Variants in SLC16A10 observed in about 807,000 individuals in gnomAD.
SLC16A10 encodes monocarboxylate transporter 10.
In SLC16A10, 27 loss-of-function variants were observed where a neutral mutation model predicts 40.0. The ratio of observed to expected loss-of-function variants is 0.67; its 90% confidence interval spans 0.50 to 0.93. The LOEUF (loss-of-function observed/expected upper bound fraction) is 0.93. Among genes scored for constraint, SLC16A10 ranks in the 40% least tolerant of loss-of-function variants. SLC16A10 has a pLI of 0.00. For missense variants in SLC16A10, 529 were observed against 658.2 expected, an observed-to-expected ratio of 0.80 and a Z score of 2.15; for synonymous variants, 213 against 249.8, an observed-to-expected ratio of 0.85 and a Z score of 1.39.
Position 111,116,303 on chromosome 6 carries a change from C to T in SLC16A10, c.343+28208C>T, listed in dbSNP as rs1448732532. 3.9e-5 allele frequency among the ~76,000 whole-genome samples: 6 copies of T among 152,054 alleles called. No individual in the cohort carries two copies. In the East Asian group the frequency reaches 5.8e-4, roughly 15 times the overall value. On this transcript the variant is annotated intron_variant, in intron 1 of 5. Coordinates refer to ENST00000368851, the MANE Select transcript of SLC16A10 (RefSeq NM_018593.5). The stretch of plus-strand genomic sequence containing the variant: ...CGCAATCTCGGCTCACTGAAACCTC[C>T]GCCACCTGGGTTCAAGCAATTCTCA...
intron 1 of SLC16A10, among the ~76,000 whole-genome samples, chr6:111,149,276 G>A (rs189563525): frequency 3.3e-5 from 5 of 152,252 alleles, no homozygotes; most frequent in East Asian, 3.9e-4. Flanking sequence ...TAAGGAACCC[G>A]CTTCTTTCTT....
At chr6:111,221,896 A>G in intron 5 of SLC16A10, 107 bp from the exon 6 acceptor site, 1 of 1,068,052 alleles carries the variant, frequency 9.4e-7, no homozygotes, top group Non-Finnish European at 1.3e-6. Context: ...TCCTAAAAAA[A>G]AAAAAAAGTC....
At chr6:111,130,513 A>G (rs1291663287) in intron 1 of SLC16A10, among the ~76,000 whole-genome samples, 2 of 151,906 alleles carry the variant, frequency 1.3e-5, no homozygotes, top group Non-Finnish European at 2.9e-5. Context: ...GCACTGTTGT[A>G]CTCTCAGCAC....
intron 3 of SLC16A10, among the ~76,000 whole-genome samples, chr6:111,205,100 A>T (rs1243841689): frequency 2.0e-5 from 3 of 152,184 alleles, no homozygotes; most frequent in Non-Finnish European, 4.4e-5. Flanking sequence ...TAAGGAATTG[A>T]TGAGATTAAA....
intron 1 of SLC16A10, among the ~76,000 whole-genome samples, chr6:111,102,676 C>T (rs1393617764): frequency 6.6e-6 from 1 of 151,806 alleles, no homozygotes; most frequent in Non-Finnish European, 1.5e-5. Flanking sequence ...TGTCTTAGGG[C>T]GGGGGATAGG....
At chr6:111,110,842 T>C (rs1004208936) in intron 1 of SLC16A10, among the ~76,000 whole-genome samples, 1 of 152,218 alleles carries the variant, frequency 6.6e-6, no homozygotes, top group Admixed American at 6.5e-5. Context: ...GTTTTCTATC[T>C]ATTTTCACTT....
intron 3 of SLC16A10, among the ~76,000 whole-genome samples, chr6:111,197,841 A>G (rs1773104593): frequency 6.6e-6 from 1 of 152,142 alleles, no homozygotes; most frequent in Admixed American, 6.5e-5. Context: ...AACACAAGCA[A>G]TAACTCACTT....
intron 1 of SLC16A10, among the ~76,000 whole-genome samples, chr6:111,115,717 C>A (rs1194086260): frequency 6.6e-6 from 1 of 151,896 alleles, no homozygotes; most frequent in African/African-American, 2.4e-5. Context: ...ACAAGTTGAG[C>A]AAAACTCAGT....
At chr6:111,127,102 G>A (rs1583316749) in intron 1 of SLC16A10, among the ~76,000 whole-genome samples, 1 of 152,142 alleles carries the variant, frequency 6.6e-6, no homozygotes, top group South Asian at 2.1e-4. Context: ...CTTTCTATAC[G>A]CTAGTCATTG....
At chr6:111,109,687 A>C (rs1771351064) in intron 1 of SLC16A10, among the ~76,000 whole-genome samples, 1 of 152,070 alleles carries the variant, frequency 6.6e-6, no homozygotes, top group Non-Finnish European at 1.5e-5. Context: ...CCTGGCCTCA[A>C]GCAATCCTTC....
intron 3 of SLC16A10, among the ~76,000 whole-genome samples, chr6:111,199,198 G>A (rs536763506): frequency 6.6e-6 from 1 of 152,288 alleles, no homozygotes; most frequent in South Asian, 2.1e-4. Flanking sequence ...GGGGGCTCAT[G>A]CCAGTAGTCC....
At chr6:111,111,409 C>T (rs542468180) in intron 1 of SLC16A10, among the ~76,000 whole-genome samples, 41 of 152,110 alleles carry the variant, frequency 2.7e-4, no homozygotes, top group Non-Finnish European at 5.9e-4. Flanking sequence ...CATCCACTCT[C>T]TTTAAATTTT....
At chr6:111,193,281 A>G (rs946416856) in intron 3 of SLC16A10, 10 of 985,178 alleles carry the variant, frequency 1.0e-5, no homozygotes, top group Non-Finnish European at 1.2e-5. Context: ...CCTTGCATTT[A>G]TTTTCCTTCA....
rs1157236942 is a variant in SLC16A10, at chr6:111,145,024, G to T, written c.344-27671G>T. 8.5e-5 allele frequency among the ~76,000 whole-genome samples: 13 copies of T among 152,064 alleles called. No individual in the cohort carries two copies. The East Asian group carries it at 1.4e-3, about 16-fold the overall frequency. ...TTTAAATTAGTTTTTGTAGAAATAG[G>T]GTCTTGCCATGTTGCCCAGGCTGGT... On this transcript the variant is annotated intron_variant, in intron 1 of 5. Coordinates refer to ENST00000368851, the MANE Select transcript of SLC16A10 (RefSeq NM_018593.5).
chr6:111,090,008 G>T (rs1319533186), intron 1 of SLC16A10, among the ~76,000 whole-genome samples: 2 of 133,484 alleles, frequency 1.5e-5, no homozygotes, highest in Non-Finnish European at 3.1e-5. Flanking sequence ...GAATTTTGCA[G>T]TGTCAAAGTC....
chr6:111,133,493 C>G (rs1222262663), intron 1 of SLC16A10, among the ~76,000 whole-genome samples: 6 of 152,254 alleles, frequency 3.9e-5, no homozygotes, highest in African/African-American at 1.4e-4. Context: ...ACCACCTGGC[C>G]ATGATGTCCT....
intron 1 of SLC16A10, among the ~76,000 whole-genome samples, chr6:111,141,554 T>C (rs6942055): frequency 0.84 from 127,730 of 151,994 alleles, 53,803 homozygotes; most frequent in African/African-American, 0.86. Context: ...CCCAGCTACT[T>C]GGGAGGCGGA....
chr6:111,149,450 G>C (rs1227008640), intron 1 of SLC16A10, among the ~76,000 whole-genome samples: 2 of 152,122 alleles, frequency 1.3e-5, no homozygotes, highest in Non-Finnish European at 2.9e-5. Context: ...TCATCATAAT[G>C]GATCATATGA....
At chr6:111,219,339 TAGTG>T (rs1441942683) in intron 5 of SLC16A10, among the ~76,000 whole-genome samples, 1 of 151,900 alleles carries the variant, frequency 6.6e-6, no homozygotes, top group South Asian at 2.1e-4. Context: ...CTGGACAACA[TAGTG>T]AGACACTATC....
Sources: gnomAD v4.1 joint callset for allele counts (sites outside exome capture counted in the v4.1 genomes callset) on GRCh38, gnomAD v4.1.1 for gene constraint, MANE v1.5 for transcripts, NCBI Gene and HGNC (gene_info 2026-07-23, HGNC 2026-07-21) for gene names.